The following SLC27A2 variants were observed in gnomAD, a reference collection of about 807,000 sequenced individuals.
SLC27A2 encodes solute carrier family 27 member 2, also known as long-chain fatty acid transport protein 2.
In SLC27A2, 54 loss-of-function variants were observed where a neutral mutation model predicts 60.0. The ratio of observed to expected loss-of-function variants is 0.90; its 90% CI spans 0.72 to 1.13. The LOEUF is 1.13. Ranked by LOEUF, SLC27A2 falls within the 50% of genes most tolerant of loss-of-function variation. SLC27A2 has a pLI of 0.00. For synonymous variants in SLC27A2, 297 were observed against 297.6 expected (o/e 1.00, Z 0.02); for missense variants, 739 against 777.6 (o/e 0.95, Z 0.59).
intron 4 of SLC27A2, among the ~76,000 whole-genome samples, chr15:50,214,808 C>T (rs2045183180): frequency 6.6e-6 from 1 of 152,124 alleles, no homozygotes; most frequent in South Asian, 2.1e-4. Context: ...ATACAAGGGA[C>T]ATACCTTAAA....
chr15:50,222,496 G>T (rs1401605143), intron 4 of SLC27A2, among the ~76,000 whole-genome samples: 2 of 152,056 alleles, frequency 1.3e-5, no homozygotes, highest in African/African-American at 4.8e-5. Context: ...CACTGCTCAG[G>T]GTCCCACTGG....
At chr15:50,221,472 G>A (rs2045241434) in intron 4 of SLC27A2, among the ~76,000 whole-genome samples, 1 of 152,198 alleles carries the variant, frequency 6.6e-6, no homozygotes, top group Admixed American at 6.5e-5. Context: ...AAGATTAAAT[G>A]TTTATTTTCT....
chr15:50,184,303 A>G (rs1430393283), intron 1 of SLC27A2, among the ~76,000 whole-genome samples: 2 of 151,920 alleles, frequency 1.3e-5, no homozygotes, highest in African/African-American at 4.8e-5. Context: ...TCTTTCCTAC[A>G]TCTTATTGTT....
intron 4 of SLC27A2, among the ~76,000 whole-genome samples, chr15:50,213,326 A>G (rs941208084): frequency 3.3e-5 from 5 of 152,220 alleles, no homozygotes; most frequent in Non-Finnish European, 5.9e-5. Flanking sequence ...TAGACCTAAG[A>G]AATAAGATAG....
chr15:50,198,566 G>A (rs1206162839), intron 2 of SLC27A2: 4 of 151,958 alleles, frequency 2.6e-5, no homozygotes, highest in Non-Finnish European at 5.9e-5. Flanking sequence ...GTACCTTCTT[G>A]TTTATTCGTG....
At chr15:50,228,116 G>A (rs956213377) in intron 7 of SLC27A2, among the ~76,000 whole-genome samples, 3 of 152,094 alleles carry the variant, frequency 2.0e-5, no homozygotes, top group East Asian at 1.9e-4. Context: ...GGTGGCTAAC[G>A]CCTGTAATCC....
At chr15:50,230,105 G>A (rs911932412) in intron 8 of SLC27A2, among the ~76,000 whole-genome samples, 1 of 151,842 alleles carries the variant, frequency 6.6e-6, no homozygotes. Flanking sequence ...GTGGTGGCAC[G>A]TGCCTATAGT....
chr15:50,198,508 A>C (rs746421488), intron 2 of SLC27A2: 5 of 152,084 alleles, frequency 3.3e-5, no homozygotes, highest in Non-Finnish European at 7.4e-5. Flanking sequence ...GTCAGGATTC[A>C]CCTTGCAGGC....
At position 50,233,882 on chromosome 15, in the gene SLC27A2, A is replaced by T; in HGVS notation, c.1570A>T (p.Ile524Phe). The T allele has an allele frequency of 6.2e-7, 1 of 1,612,828 alleles. No homozygotes were observed. Among genetic ancestry groups the T allele is most frequent in the Non-Finnish European group, 8.5e-7 (1 of 1,179,384 alleles). Residue 524 changes from isoleucine to phenylalanine, a missense_variant, in exon 9 of 10, where the codon ATT becomes TTT. Transcript: ENST00000267842. The stretch of plus-strand genomic sequence containing the variant: ...TTTATTTCTAGATCATGAGGGTCGC[A>T]TTGGCATGGCCTCCATCAAAATGAA... ...GVHVPDHEGRIGMASIKMKEN... is the reference protein window; with the variant it reads ...GVHVPDHEGRFGMASIKMKEN...
At chr15:50,195,294 G>A (rs942663857) in intron 1 of SLC27A2, among the ~76,000 whole-genome samples, 24 of 142,900 alleles carry the variant, frequency 1.7e-4, no homozygotes, top group Non-Finnish European at 3.0e-5. Flanking sequence ...GTGAAACCCC[G>A]TCTCTACTAA....
intron 4 of SLC27A2, among the ~76,000 whole-genome samples, chr15:50,216,610 G>GTGTGTGTGTATA (rs1323910367): frequency 6.0e-5 from 4 of 66,480 alleles, no homozygotes; most frequent in Non-Finnish European, 8.9e-5. Context: ...GTGTGTGTGT[G>GTGTGTGTGTATA]TATATATATA....
intron 4 of SLC27A2, among the ~76,000 whole-genome samples, chr15:50,218,186 A>C (rs1595689752): frequency 6.6e-6 from 1 of 152,142 alleles, no homozygotes; most frequent in African/African-American, 2.4e-5. Context: ...TAAAAGAAAA[A>C]AAGAATCAGA....
At chr15:50,234,068 G>A (rs1027212807) in intron 9 of SLC27A2, 70 bp downstream of exon 9, 15 of 1,421,090 alleles carry the variant, frequency 1.1e-5, no homozygotes, top group Middle Eastern at 1.8e-4. Flanking sequence ...GGAACAACTC[G>A]CCTTCTCCCA....
In SLC27A2 at chr15:50,210,950, C is replaced by T. The variant is rs553944111; in HGVS notation, c.972+5587C>T. Among the ~76,000 whole-genome samples the T allele has an allele frequency of 2.7e-4, 41 of 152,270 alleles. No individual in the cohort carries two copies. In the South Asian group the frequency reaches 8.5e-3, roughly 32 times the overall value. ...CACAACTCCAGTGACCTGGGAATCT[C>T]GCCCCCATCCCCCACAGCAGCCACA... On this transcript the variant is annotated intron_variant, in intron 4 of 9. Coordinates refer to ENST00000267842, the MANE Select transcript of SLC27A2 (RefSeq NM_003645.4).
intron 8 of SLC27A2, among the ~76,000 whole-genome samples, chr15:50,230,271 T>G (rs8041910): frequency 0.16 from 21,632 of 135,968 alleles, 1,623 homozygotes; most frequent in Middle Eastern, 0.23. Flanking sequence ...GTCCGGACAC[T>G]GTGGCTCACA....
intron 1 of SLC27A2, among the ~76,000 whole-genome samples, chr15:50,196,107 T>C (rs1275327934): frequency 1.2e-5 from 1 of 82,220 alleles, no homozygotes; most frequent in South Asian, 4.7e-4. Flanking sequence ...TATATATATA[T>C]ATATATATAT....
rs2045351686 is a variant in SLC27A2 at position 50,236,245 on chromosome 15, T to C, written c.*149T>C. ...AAAGGGAGACTTTTTTAAATAACAG[T>C]TGAGTCTTTGCAAGTAAAAAGATTT... On this transcript the variant is annotated 3_prime_UTR_variant, in exon 10 of 10. Transcript: ENST00000267842. 1 of 536,104 alleles carries C rather than the reference T, an allele frequency of 1.9e-6. No individual in the cohort carries two copies. Among genetic ancestry groups the C allele is most frequent in the Admixed American group, 3.6e-5 (1 of 27,530 alleles). 33.2% of individuals were successfully genotyped at this position (536,104 alleles called of 1,614,324 possible).
intron 1 of SLC27A2, among the ~76,000 whole-genome samples, chr15:50,195,783 G>A (rs1162863595): frequency 1.3e-5 from 2 of 151,366 alleles, no homozygotes; most frequent in Non-Finnish European, 2.9e-5. Flanking sequence ...AATACCCTGG[G>A]ACATTTAGTC....
intron 1 of SLC27A2, among the ~76,000 whole-genome samples, chr15:50,190,215 T>C (rs1168140537): frequency 1.3e-5 from 2 of 152,244 alleles, no homozygotes; most frequent in African/African-American, 4.8e-5. Flanking sequence ...TTTTAGGAAC[T>C]ATTTTTAGGT....
Sources: gnomAD v4.1 joint callset for allele counts (sites outside exome capture counted in the v4.1 genomes callset) on GRCh38, gnomAD v4.1.1 for gene constraint, MANE v1.5 for transcripts, NCBI Gene and HGNC (gene_info 2026-07-23, HGNC 2026-07-21) for gene names.